PIGN: variants seen among roughly 807,000 people sequenced by gnomAD.
The protein encoded by PIGN is phosphatidylinositol glycan anchor biosynthesis class N.
A neutral mutation model predicts 125.4 loss-of-function variants in PIGN; 117 were observed. The ratio of observed to expected loss-of-function variants is 0.93; its 90% CI spans 0.80 to 1.09. The LOEUF (loss-of-function observed/expected upper bound fraction) is 1.09, where lower values mean the gene tolerates loss of function less well. Among genes scored for constraint, PIGN ranks in the 50% least tolerant of loss-of-function variants. PIGN has a pLI of 0.00. For missense variants in PIGN, 1,075 were observed against 1,094.9 expected (o/e 0.98, Z 0.26); for synonymous variants, 392 against 377.8 (o/e 1.04, Z -0.44).
intron 8 of PIGN, 112 bp from the exon 9 acceptor site, chr18:62,147,213 C>A: frequency 7.8e-7 from 1 of 1,285,620 alleles, no homozygotes. Context: ...TTTTAGATTT[C>A]ATCTTTAATA....
At position 62,088,834 on chromosome 18, in the gene PIGN, A is replaced by G; in HGVS notation, c.2292T>C (p.Ser764=). The G allele has an allele frequency of 3.9e-6, 6 of 1,535,224 alleles. No individual in the cohort carries two copies. The highest frequency in any genetic ancestry group is 5.3e-6 in the Non-Finnish European group (6 of 1,128,682). ...TATCAGTATTATAAGAGAACTGGAT[A>G]CTGGTGAGCTGTGAGATAATAAGAA... ...SGVCCKQKLT[S]IQFSYNTDIT... The change falls in exon 25 of 31, where the codon AGT becomes AGC. Residue 764 remains serine (S), a synonymous_variant. Transcript: ENST00000640252.
intron 10 of PIGN, 70 bp from the exon 11 acceptor site, chr18:62,143,416 G>C (rs1217675384): frequency 7.4e-6 from 7 of 947,448 alleles, no homozygotes; most frequent in African/African-American, 6.5e-5. Flanking sequence ...TGATTTTTAG[G>C]AGTGGCCAAT....
rs568096438 is a variant in PIGN, at chr18:62,074,414, C to G, written c.2619+365G>C. Among the ~76,000 whole-genome samples, 146 of 152,304 alleles carry G rather than the reference C, an allele frequency of 9.6e-4. 1 individual carries two copies. The highest frequency in any genetic ancestry group is 3.4e-3 in the African/African-American group (142 of 41,572). ...TGTTTCCTTCCTTCCTTCCCTCCCTCTTTTCCTTTCATTTTTAATCTGAGA... is the reference window on the plus strand; with the variant it reads ...TGTTTCCTTCCTTCCTTCCCTCCCTGTTTTCCTTTCATTTTTAATCTGAGA... On this transcript the variant is annotated intron_variant, in intron 29 of 30. Coordinates refer to ENST00000640252, the MANE Select transcript of PIGN (RefSeq NM_176787.5).
chr18:62,177,008 T>C (rs1662761311), intron 1 of PIGN, among the ~76,000 whole-genome samples: 1 of 152,080 alleles, frequency 6.6e-6, no homozygotes, highest in Admixed American at 6.5e-5. Flanking sequence ...ACTCAAAAGA[T>C]ACACTGTTGT....
chr18:62,102,137 GA>G (rs773142446), intron 21 of PIGN, among the ~76,000 whole-genome samples: 4 of 151,594 alleles, frequency 2.6e-5, no homozygotes, highest in African/African-American at 4.8e-5. Flanking sequence ...TGAGGCAGGA[GA>G]ATCACTTGAA....
intron 13 of PIGN, 101 bp from the exon 14 acceptor site, chr18:62,138,399 CT>C (rs1178813696): frequency 3.6e-6 from 5 of 1,395,494 alleles, no homozygotes; most frequent in Non-Finnish European, 3.8e-6. Flanking sequence ...TGGTTAACCA[CT>C]TTGAAAATAA....
At chr18:62,059,517 A>C (rs1052026427) in intron 30 of PIGN, among the ~76,000 whole-genome samples, 12 of 152,252 alleles carry the variant, frequency 7.9e-5, no homozygotes, top group African/African-American at 2.9e-4. Context: ...AATGCCAAAA[A>C]AAAGTTACAC....
chr18:62,128,448 G>A (rs748454132), intron 14 of PIGN, among the ~76,000 whole-genome samples: 20 of 152,110 alleles, frequency 1.3e-4, no homozygotes, highest in South Asian at 4.1e-4. Context: ...ACTAGGCCAC[G>A]GAAGGTATTT....
At chr18:62,091,228 CA>C (rs2033943626) in intron 23 of PIGN, among the ~76,000 whole-genome samples, 1 of 151,970 alleles carries the variant, frequency 6.6e-6, no homozygotes, top group South Asian at 2.1e-4. Context: ...TGCGCCTGCC[CA>C]GCTAACTCGG....
intron 30 of PIGN, chr18:62,058,829 A>G (rs1348724890): frequency 6.6e-6 from 1 of 152,124 alleles, no homozygotes; most frequent in African/African-American, 2.4e-5. Context: ...AGAAATCTTC[A>G]ACTCTATTCT....
At chr18:62,059,677 A>T (rs12605762) in intron 30 of PIGN, among the ~76,000 whole-genome samples, 1 of 152,156 alleles carries the variant, frequency 6.6e-6, no homozygotes, top group South Asian at 2.1e-4. Context: ...GAACAGGTAG[A>T]GGGTATTTTC....
chr18:62,064,487 T>C lies in PIGN; in HGVS notation c.2672+8186A>G, dbSNP rs191963216. Among the ~76,000 whole-genome samples the C allele has an allele frequency of 1.8e-4, 28 of 152,296 alleles. No homozygotes were observed. The East Asian group carries it at 2.9e-3, about 16-fold the overall frequency. ...TGTATGGTGAGTGTTCAATATGTAT[T>C]TTTTTCTGAAAAACGATCAATTTAT... On this transcript the variant is annotated intron_variant, in intron 30 of 30. Coordinates refer to ENST00000640252, the MANE Select transcript of PIGN (RefSeq NM_176787.5).
chr18:62,103,041 C>T (rs919681349), intron 20 of PIGN, 139 bp from the exon 21 acceptor site: 11 of 432,492 alleles, frequency 2.5e-5, no homozygotes, highest in Non-Finnish European at 4.5e-5. Context: ...AAAATGGGTA[C>T]ATTTTCAGAT....
At chr18:62,060,532 C>A (rs1315143467) in intron 30 of PIGN, among the ~76,000 whole-genome samples, 1 of 147,438 alleles carries the variant, frequency 6.8e-6, no homozygotes, top group African/African-American at 2.4e-5. Context: ...TGTTTTATGA[C>A]ACTTATTAAT....
At chr18:62,119,533 G>A (rs905734638) in intron 14 of PIGN, among the ~76,000 whole-genome samples, 1 of 152,186 alleles carries the variant, frequency 6.6e-6, no homozygotes, top group East Asian at 1.9e-4. Context: ...TGTAACTCAT[G>A]ACAGAATCAG....
At chr18:62,180,525 C>A (rs987840916) in intron 1 of PIGN, among the ~76,000 whole-genome samples, 3 of 152,078 alleles carry the variant, frequency 2.0e-5, no homozygotes, top group Non-Finnish European at 4.4e-5. Flanking sequence ...GTCATATTTA[C>A]CTTAAGACAA....
chr18:62,128,904 C>G (rs1183254280), intron 14 of PIGN, among the ~76,000 whole-genome samples: 1 of 152,056 alleles, frequency 6.6e-6, no homozygotes, highest in Non-Finnish European at 1.5e-5. Flanking sequence ...AAGAAGTCAT[C>G]ATAAAGAAAT....
chr18:62,129,029 T>C (rs1361512316), intron 14 of PIGN, among the ~76,000 whole-genome samples: 1 of 152,142 alleles, frequency 6.6e-6, no homozygotes, highest in East Asian at 1.9e-4. Context: ...GCACTTTCTA[T>C]TAGCTCTCAA....
intron 30 of PIGN, chr18:62,070,223 A>G (rs1245640446): frequency 2.5e-6 from 1 of 392,998 alleles, no homozygotes; most frequent in African/African-American, 2.1e-5. Flanking sequence ...TGAGATTCAA[A>G]CCCAGGCGCT....
Sources: gnomAD v4.1 joint callset for allele counts (sites outside exome capture counted in the v4.1 genomes callset) on GRCh38, gnomAD v4.1.1 for gene constraint, MANE v1.5 for transcripts, NCBI Gene and HGNC (gene_info 2026-07-23, HGNC 2026-07-21) for gene names.